Variants in RAI1 observed in about 807,000 individuals in gnomAD.
RAI1 encodes the protein retinoic acid-induced protein 1.
In RAI1, 9 loss-of-function variants were observed where a neutral mutation model predicts 123.8. That is an observed-to-expected ratio of 0.07 (90% CI 0.04 to 0.13). The LOEUF (loss-of-function observed/expected upper bound fraction) is 0.13, where lower values mean the gene tolerates loss of function less well. Among genes scored for constraint, RAI1 ranks in the 10% least tolerant of loss-of-function variants. RAI1 has a pLI of 1.00. For missense variants in RAI1, 2,256 were observed against 2,545.8 expected (o/e 0.89, Z 2.45); for synonymous variants, 1,231 against 1,127.3 (o/e 1.09, Z -1.84).
chr17:17,739,567 C>T (rs749728636), intron 2 of RAI1, among the ~76,000 whole-genome samples: 1 of 152,218 alleles, frequency 6.6e-6, no homozygotes, highest in African/African-American at 2.4e-5. Context: ...GCTGTGGCCC[C>T]TCCTGCCTTC....
At chr17:17,691,095 G>A (rs908288743) in intron 1 of RAI1, among the ~76,000 whole-genome samples, 5 of 152,214 alleles carry the variant, frequency 3.3e-5, no homozygotes, top group Admixed American at 1.3e-4. Context: ...TAAAGTCATC[G>A]GGTATTCACT....
intron 2 of RAI1, among the ~76,000 whole-genome samples, chr17:17,753,830 C>T (rs1434695805): frequency 1.3e-5 from 2 of 152,212 alleles, no homozygotes; most frequent in Non-Finnish European, 2.9e-5. Context: ...GTTCTCTGCC[C>T]CAGACCCTGG....
rs1014210573 is a variant in RAI1 at position 17,801,739 on chromosome 17, T to C, written c.5566-2017T>C. On this transcript the variant is annotated intron_variant, in intron 3 of 5. Coordinates refer to ENST00000353383, the MANE Select transcript of RAI1 (RefSeq NM_030665.4). This position sits in a 1 kb window ranked among gnomAD's most constrained non-coding sequence, Gnocchi z 4.1. The stretch of plus-strand genomic sequence containing the variant: ...GAGTGTTCTGACATTTCTCAGCTGC[T>C]GTGGTTGGGATGGTGCGCCCACCCT... 2.0e-5 allele frequency among the ~76,000 whole-genome samples: 3 copies of C among 152,176 alleles called. No homozygotes were observed. The highest frequency in any genetic ancestry group is 7.2e-5 in the African/African-American group (3 of 41,440).
intron 1 of RAI1, among the ~76,000 whole-genome samples, chr17:17,722,594 C>T (rs1598034531): frequency 1.3e-5 from 2 of 152,342 alleles, no homozygotes; most frequent in African/African-American, 2.4e-5. Flanking sequence ...CGGCCTAGTT[C>T]TCGGCTGTCT....
intron 1 of RAI1, among the ~76,000 whole-genome samples, chr17:17,692,322 A>G (rs1333769266): frequency 6.6e-6 from 1 of 152,168 alleles, no homozygotes; most frequent in Non-Finnish European, 1.5e-5. Context: ...TTGGTGGGAG[A>G]GGCCTGGTTC....
At chr17:17,758,794 G>T (rs1302169991) in intron 2 of RAI1, among the ~76,000 whole-genome samples, 1 of 152,210 alleles carries the variant, frequency 6.6e-6, no homozygotes, top group Non-Finnish European at 1.5e-5. Flanking sequence ...GCTGGGCAGG[G>T]TTTTGAAGGA....
At chr17:17,704,109 T>TTGCC (rs1915318928) in intron 1 of RAI1, among the ~76,000 whole-genome samples, 1 of 152,188 alleles carries the variant, frequency 6.6e-6, no homozygotes, top group African/African-American at 2.4e-5. Flanking sequence ...CATTGTGCCC[T>TTGCC]TGCCTGGCTT....
intron 2 of RAI1, 35 bp from the exon 3 acceptor site, chr17:17,792,886 CCCCTCCCTCCTT>C (rs770106025): frequency 1.6e-4 from 85 of 539,804 alleles, no homozygotes; most frequent in Non-Finnish European, 2.8e-4. Flanking sequence ...TGCCCATCCT[CCCCTCCCTCCTT>C]CCCTCCCTCC....
At chr17:17,754,191 CTTTTTTTTTTTTTT>C (rs1158475382) in intron 2 of RAI1, among the ~76,000 whole-genome samples, 2 of 75,720 alleles carry the variant, frequency 2.6e-5, no homozygotes, top group African/African-American at 5.8e-5. Context: ...CTAACCCAAT[CTTTTTTTTTTTTTT>C]TTTTTTTTTT....
At chr17:17,706,211 G>A (rs1915389988) in intron 1 of RAI1, among the ~76,000 whole-genome samples, 1 of 152,004 alleles carries the variant, frequency 6.6e-6, no homozygotes, top group South Asian at 2.1e-4. Context: ...GCAGAGCTGG[G>A]GCGAGGGAAG....
chr17:17,753,640 G>A (rs1207029375), intron 2 of RAI1, among the ~76,000 whole-genome samples: 3 of 152,192 alleles, frequency 2.0e-5, no homozygotes, highest in Non-Finnish European at 2.9e-5. Context: ...AGATTCCTGG[G>A]CTCAGGCCAC....
At chr17:17,785,564 A>G (rs1370543221) in intron 2 of RAI1, among the ~76,000 whole-genome samples, 10 of 152,084 alleles carry the variant, frequency 6.6e-5, no homozygotes, top group Non-Finnish European at 1.5e-4. Flanking sequence ...CTGGCGGGGG[A>G]CCCAGGAGAG....
chr17:17,727,170 A>G (rs1382776405), intron 2 of RAI1, among the ~76,000 whole-genome samples: 1 of 152,208 alleles, frequency 6.6e-6, no homozygotes, highest in African/African-American at 2.4e-5. Flanking sequence ...CCTTGGATAA[A>G]TGGGACACTA....
At chr17:17,716,655 CTG>C (rs1244465793) in intron 1 of RAI1, among the ~76,000 whole-genome samples, 14 of 152,150 alleles carry the variant, frequency 9.2e-5, no homozygotes, top group Non-Finnish European at 1.5e-4. Flanking sequence ...TATGAGGTAA[CTG>C]TGTGATTCTG....
rs2032178399 is a variant in RAI1 at position 17,795,027 on chromosome 17, C to T, written c.2079C>T (p.Ala693=). The T allele has an allele frequency of 1.9e-6, 3 of 1,614,160 alleles. No homozygotes were observed. Among genetic ancestry groups the T allele is most frequent in the African/African-American group, 1.3e-5 (1 of 75,068 alleles). The part of the protein sequence containing the change: ...SPGLFEDPSV[A]FATPDPKKTT... ...GGCTGTTTGAAGACCCTTCCGTGGC[C>T]TTCGCTACGCCTGACCCCAAAAAGA... is the stretch of plus-strand genomic sequence containing the variant. The change falls in exon 3 of 6, where the codon GCC becomes GCT. Residue 693 remains alanine, a synonymous_variant. Transcript: ENST00000353383. The surrounding 1 kb of genome is among the most constrained non-coding windows in gnomAD (Gnocchi z 5.9).
chr17:17,794,729 G>C lies in RAI1; in HGVS notation c.1781G>C (p.Cys594Ser). ...AAGTTCGTGGCGGGTGAGCGGGACT[G>C]TCCGCGGCTGCTGCTCAGCGCCCTG... ...FSKFVAGERD[C>S]PRLLLSALAQ... Residue 594 changes from cysteine (C) to serine (S), a missense_variant, in exon 3 of 6, where the codon TGT (cysteine) becomes TCT (serine). This residue lies in a region of RAI1 where 357 missense variants were observed against 480.2 expected (regional missense o/e 0.74). Coordinates refer to ENST00000353383, the MANE Select transcript of RAI1 (RefSeq NM_030665.4). The C allele has an allele frequency of 6.2e-7, 1 of 1,611,574 alleles. No homozygotes were observed. Among genetic ancestry groups the C allele is most frequent in the Non-Finnish European group, 8.5e-7 (1 of 1,180,032 alleles).
chr17:17,746,195 GC>G (rs1336269830), intron 2 of RAI1, among the ~76,000 whole-genome samples: 1 of 152,192 alleles, frequency 6.6e-6, no homozygotes, highest in African/African-American at 2.4e-5. Context: ...CCCGGCAGAT[GC>G]CCCCGGGGGT....
In RAI1 at chr17:17,685,179, G is replaced by A. The variant is rs945040007; in HGVS notation, c.-149+3386G>A. ...CCTATCCAACGTGTGGCTCCACAGG[G>A]AGGGAGGAGGTGCAACAGCAACGGT... On this transcript the variant is annotated intron_variant, in intron 1 of 5. Coordinates refer to ENST00000353383, the MANE Select transcript of RAI1 (RefSeq NM_030665.4). This position sits in a 1 kb window ranked among gnomAD's most constrained non-coding sequence, Gnocchi z 4.0. 7 of 152,278 alleles carry A rather than the reference G, an allele frequency of 4.6e-5. No homozygotes were observed. Among genetic ancestry groups the A allele is most frequent in the Non-Finnish European group, 8.8e-5 (6 of 68,064 alleles). The allele number at this position is 152,278 out of a possible 1,614,324, so 9.4% of individuals were successfully genotyped here. A position where few individuals can be genotyped will look rare whatever the true frequency, so the allele number is the denominator to read the frequency against.
At position 17,793,664 on chromosome 17, in the gene RAI1, G is replaced by T. The variant is rs753226311; in HGVS notation, c.716G>T (p.Cys239Phe). The T allele has an allele frequency of 6.2e-7, 1 of 1,613,138 alleles. No individual in the cohort carries two copies. Among genetic ancestry groups the T allele is most frequent in the Non-Finnish European group, 8.5e-7 (1 of 1,180,024 alleles). The change falls in exon 3 of 6, where the codon TGC becomes TTC. Residue 239 changes from cysteine (C) to phenylalanine (F), a missense_variant. By Grantham distance (205) the Cys-to-Phe change is radical (BLOSUM62 -2). Around this residue, in one of 7 missense-constraint regions of RAI1, gnomAD observed 336 missense variants for 349.8 expected, o/e 0.96. Coordinates refer to ENST00000353383, the MANE Select transcript of RAI1 (RefSeq NM_030665.4). Reference sequence around the variant, plus strand: ...CAGGGGGCCCACTCCTATAAGAGTTGCACAGCACCGACTGCCCAGCCCCAT... The same window carrying T: ...CAGGGGGCCCACTCCTATAAGAGTTTCACAGCACCGACTGCCCAGCCCCAT... ...GGQGAHSYKSCTAPTAQPHDR... is the reference protein window; with the variant it reads ...GGQGAHSYKSFTAPTAQPHDR...
Sources: gnomAD v4.1 joint callset for allele counts (sites outside exome capture counted in the v4.1 genomes callset) on GRCh38, gnomAD v4.1.1 for gene constraint, gnomAD v4.1.1 regional missense constraint, Gnocchi (gnomAD v3.1) non-coding constraint, MANE v1.5 for transcripts, NCBI Gene and HGNC (gene_info 2026-07-23, HGNC 2026-07-21) for gene names.